Variants in LRP1B observed in about 807,000 individuals in gnomAD.
LRP1B encodes low-density lipoprotein receptor-related protein 1B.
In LRP1B, 217 loss-of-function variants were observed where a neutral mutation model predicts 556.6. That is an observed-to-expected ratio of 0.39 (90% CI 0.35 to 0.44). The LOEUF (loss-of-function observed/expected upper bound fraction) is 0.44. Ranked by LOEUF, LRP1B falls within the 20% of genes least tolerant of loss-of-function variation. LRP1B has a pLI of 1.00. For synonymous variants in LRP1B, 2,047 were observed against 1,865.8 expected (o/e 1.10, Z -2.50); for missense variants, 5,053 against 5,620.8 (o/e 0.90, Z 3.23).
rs1271635325 is a variant in LRP1B, at chr2:141,644,991, A to C, written c.206-164458T>G. Among the ~76,000 whole-genome samples the C allele has an allele frequency of 4.6e-5, 7 of 152,168 alleles. No individual in the cohort carries two copies. In the East Asian group the frequency reaches 1.3e-3, roughly 29 times the overall value. On this transcript the variant is annotated intron_variant, in intron 2 of 90. Coordinates refer to ENST00000389484, the MANE Select transcript of LRP1B (RefSeq NM_018557.3). Reference sequence around the variant, plus strand: ...AACATAGCCTTTGAGGAGACATCAAAGAAATAAAGTATATTCTGTCTAGAG... The same window carrying C: ...AACATAGCCTTTGAGGAGACATCAACGAAATAAAGTATATTCTGTCTAGAG...
intron 4 of LRP1B, among the ~76,000 whole-genome samples, chr2:141,254,313 G>A (rs1684379978): frequency 6.6e-6 from 1 of 152,022 alleles, no homozygotes; most frequent in Admixed American, 6.6e-5. Flanking sequence ...TCCCAAGTTT[G>A]AAATTACTGC....
intron 2 of LRP1B, among the ~76,000 whole-genome samples, chr2:141,751,666 C>G (rs1039675591): frequency 6.6e-6 from 1 of 151,818 alleles, no homozygotes; most frequent in Non-Finnish European, 1.5e-5. Flanking sequence ...GTCAATTACT[C>G]CTGAACAGAC....
At chr2:141,861,304 T>A (rs2105787544) in intron 1 of LRP1B, among the ~76,000 whole-genome samples, 1 of 152,256 alleles carries the variant, frequency 6.6e-6, no homozygotes, top group Admixed American at 6.5e-5. Context: ...TAGGACTCTG[T>A]CTGGAAATCT....
intron 2 of LRP1B, among the ~76,000 whole-genome samples, chr2:141,599,487 T>G (rs1687654426): frequency 6.6e-6 from 1 of 152,128 alleles, no homozygotes; most frequent in Non-Finnish European, 1.5e-5. Context: ...AACATTAAAT[T>G]TTATTTAAAA....
At chr2:141,587,659 T>G (rs1212642237) in intron 2 of LRP1B, among the ~76,000 whole-genome samples, 1 of 152,208 alleles carries the variant, frequency 6.6e-6, no homozygotes, top group Admixed American at 6.5e-5. Context: ...TCAGGGTAAT[T>G]TATTTCTGAA....
intron 41 of LRP1B, among the ~76,000 whole-genome samples, chr2:140,643,191 T>C (rs1334703523): frequency 1.3e-5 from 2 of 152,258 alleles, no homozygotes; most frequent in South Asian, 2.1e-4. Flanking sequence ...AAAATGTATA[T>C]ATACCCAGGA....
chr2:141,303,173 ATT>A (rs1047759659), intron 3 of LRP1B, among the ~76,000 whole-genome samples: 2 of 152,200 alleles, frequency 1.3e-5, no homozygotes, highest in East Asian at 3.9e-4. Flanking sequence ...ATGTGTACAT[ATT>A]TATGGAGTAT....
chr2:141,443,942 G>A (rs1681083134), intron 3 of LRP1B, among the ~76,000 whole-genome samples: 1 of 151,888 alleles, frequency 6.6e-6, no homozygotes. Context: ...AAAATTTAAA[G>A]TAGTTTTTTT....
At chr2:141,764,243 C>T (rs887649029) in intron 2 of LRP1B, among the ~76,000 whole-genome samples, 5 of 151,902 alleles carry the variant, frequency 3.3e-5, no homozygotes, top group Non-Finnish European at 7.4e-5. Context: ...TGCAGTGGGG[C>T]GATCTCGGCT....
At chr2:141,404,998 A>G (rs1010749563) in intron 3 of LRP1B, among the ~76,000 whole-genome samples, 2 of 152,058 alleles carry the variant, frequency 1.3e-5, no homozygotes, top group Non-Finnish European at 2.9e-5. Flanking sequence ...AGGCTGAGGC[A>G]GGAGAATGGG....
intron 35 of LRP1B, among the ~76,000 whole-genome samples, chr2:140,719,237 C>A (rs1687317337): frequency 6.6e-6 from 1 of 151,848 alleles, no homozygotes; most frequent in Non-Finnish European, 1.5e-5. Context: ...GAGGCAGATA[C>A]AAAGAAAACA....
chr2:141,703,726 C>A (rs1040985231), intron 2 of LRP1B, among the ~76,000 whole-genome samples: 1 of 151,916 alleles, frequency 6.6e-6, no homozygotes, highest in African/African-American at 2.4e-5. Flanking sequence ...GAGTTTAGCA[C>A]CTCCCACAGT....
intron 1 of LRP1B, among the ~76,000 whole-genome samples, chr2:142,084,737 G>C (rs926838522): frequency 6.6e-6 from 1 of 151,994 alleles, no homozygotes; most frequent in Admixed American, 6.5e-5. Flanking sequence ...TGGTCCCTTC[G>C]CCAATTTTGC....
intron 15 of LRP1B, among the ~76,000 whole-genome samples, chr2:140,997,065 C>A (rs1697268512): frequency 6.6e-6 from 1 of 151,940 alleles, no homozygotes; most frequent in East Asian, 1.9e-4. Context: ...CTGCCAGAAC[C>A]ATTTCTAGCA....
chr2:141,207,426 T>C (rs1682334321), intron 6 of LRP1B, among the ~76,000 whole-genome samples: 1 of 152,226 alleles, frequency 6.6e-6, no homozygotes, highest in African/African-American at 2.4e-5. Flanking sequence ...GTATTTCATA[T>C]GGTAATGAAT....
At chr2:142,023,413 T>C (rs79385012) in intron 1 of LRP1B, among the ~76,000 whole-genome samples, 5,505 of 152,258 alleles carry the variant, frequency 0.036, 230 homozygotes, top group East Asian at 0.17. Flanking sequence ...ATATATTTTT[T>C]CTTTTTAAAT....
chr2:141,385,918 G>A (rs1241516253), intron 3 of LRP1B, among the ~76,000 whole-genome samples: 3 of 152,058 alleles, frequency 2.0e-5, no homozygotes, highest in Non-Finnish European at 4.4e-5. Flanking sequence ...TGTATTAATG[G>A]CATGTCATTT....
chr2:141,448,475 C>T (rs747976820), intron 3 of LRP1B, among the ~76,000 whole-genome samples: 1 of 152,166 alleles, frequency 6.6e-6, no homozygotes, highest in Admixed American at 6.5e-5. Context: ...AAAACAAACT[C>T]GTGTAGCTAG....
intron 45 of LRP1B, among the ~76,000 whole-genome samples, chr2:140,540,572 G>A (rs937558918): frequency 6.6e-6 from 1 of 152,058 alleles, no homozygotes; most frequent in Non-Finnish European, 1.5e-5. Context: ...TACTATGATG[G>A]ACTGTGAGTG....
Sources: allele counts gnomAD v4.1 joint callset (sites outside exome capture counted in the v4.1 genomes callset), GRCh38; gene constraint gnomAD v4.1.1; transcripts MANE v1.5; gene names NCBI Gene and HGNC (gene_info 2026-07-23, HGNC 2026-07-21).